The following NMT1 variants were observed in gnomAD, a reference collection of about 807,000 sequenced individuals.
NMT1 encodes the protein N-myristoyltransferase 1.
A neutral mutation model predicts 63.4 loss-of-function variants in NMT1; 12 were observed. The ratio of observed to expected loss-of-function variants is 0.19; its 90% confidence interval spans 0.12 to 0.31. NMT1 has a LOEUF of 0.31. Among genes scored for constraint, NMT1 ranks in the 10% least tolerant of loss-of-function variants. NMT1 has a pLI of 1.00. For missense variants in NMT1, 432 were observed against 634.6 expected, an observed-to-expected ratio of 0.68 and a Z score of 3.43; for synonymous variants, 228 against 234.3, an observed-to-expected ratio of 0.97 and a Z score of 0.25.
rs577323606 is a variant in NMT1 at position 45,086,417 on chromosome 17, A to T, written c.241-91A>T. On this transcript the variant is annotated intron_variant, in intron 2 of 11. Coordinates refer to ENST00000258960, the MANE Select transcript of NMT1 (RefSeq NM_021079.5). ...TGGGATTACAGGCATGAGCCACTGC[A>T]CCCAGCTCCCCTTAACTCTTGAACT... 47 of 1,354,664 alleles carry T rather than the reference A, an allele frequency of 3.5e-5. No individual in the cohort carries two copies. In the South Asian group the frequency reaches 7.0e-4, roughly 20 times the overall value. 83.9% of individuals were successfully genotyped at this position (1,354,664 alleles called of 1,614,324 possible). A position where few individuals can be genotyped will look rare whatever the true frequency, so the allele number is the denominator to read the frequency against.
intron 1 of NMT1, among the ~76,000 whole-genome samples, chr17:45,062,274 A>G (rs1371793270): frequency 6.6e-6 from 1 of 152,214 alleles, no homozygotes; most frequent in Non-Finnish European, 1.5e-5. Context: ...TTCTTTTCCC[A>G]AATTAGTTTT....
chr17:45,079,761 G>A (rs1056756345), intron 1 of NMT1, among the ~76,000 whole-genome samples: 1 of 152,088 alleles, frequency 6.6e-6, no homozygotes, highest in Non-Finnish European at 1.5e-5. Context: ...GTGCAGTGGC[G>A]CAATCTCGGC....
At chr17:45,076,168 C>G (rs2053975879) in intron 1 of NMT1, among the ~76,000 whole-genome samples, 1 of 152,160 alleles carries the variant, frequency 6.6e-6, no homozygotes, top group African/African-American at 2.4e-5. Context: ...GTTTTGTTTT[C>G]CCTTAGTCCA....
chr17:45,093,926 A>T, intron 4 of NMT1, 123 bp downstream of exon 4: 1 of 702,576 alleles, frequency 1.4e-6, no homozygotes, highest in East Asian at 2.7e-5. Context: ...GTCTGAACAG[A>T]CTCCCGTCTG....
At chr17:45,074,637 G>A (rs2053966445) in intron 1 of NMT1, among the ~76,000 whole-genome samples, 1 of 152,132 alleles carries the variant, frequency 6.6e-6, no homozygotes, top group East Asian at 1.9e-4. Flanking sequence ...TAGAATATAA[G>A]TCTCACAATT....
intron 3 of NMT1, among the ~76,000 whole-genome samples, chr17:45,089,155 T>C (rs1010727973): frequency 6.6e-6 from 1 of 152,238 alleles, no homozygotes; most frequent in Non-Finnish European, 1.5e-5. Flanking sequence ...GTCACCCTAG[T>C]TCTGAGTTTT....
At chr17:45,102,078 TGAG>T (rs1385926781) in intron 8 of NMT1, among the ~76,000 whole-genome samples, 1 of 152,198 alleles carries the variant, frequency 6.6e-6, no homozygotes, top group African/African-American at 2.4e-5. Context: ...CCATGTAGAA[TGAG>T]GTCATTGAGC....
intron 3 of NMT1, 98 bp downstream of exon 3, chr17:45,086,750 C>A: frequency 7.7e-7 from 1 of 1,298,288 alleles, no homozygotes; most frequent in Non-Finnish European, 1.1e-6. Flanking sequence ...GTAGGGAGGG[C>A]AGTAGAGTCC....
chr17:45,098,665 C>G lies in NMT1; in HGVS notation c.884+113C>G, dbSNP rs1394629576. ...CCTTAGCATCCCACCTCTGGCGTAT[C>G]TGGTAAGGCGGGCACTTGGTGCCTG... On this transcript the variant is annotated intron_variant, in intron 7 of 11. Transcript: ENST00000258960. The G allele has an allele frequency of 2.9e-6, 3 of 1,024,842 alleles. No homozygotes were observed. The East Asian group carries it at 7.6e-5, about 26-fold the overall frequency. The allele number at this position is 1,024,842 out of a possible 1,614,324, so 63.5% of individuals were successfully genotyped here.
chr17:45,067,779 G>A (rs2053912290), intron 1 of NMT1, among the ~76,000 whole-genome samples: 1 of 152,142 alleles, frequency 6.6e-6, no homozygotes, highest in Non-Finnish European at 1.5e-5. Flanking sequence ...CCAATTAAAT[G>A]GCAATTAAAA....
intron 1 of NMT1, among the ~76,000 whole-genome samples, chr17:45,068,518 G>A (rs1159535979): frequency 2.6e-5 from 4 of 152,202 alleles, no homozygotes; most frequent in Non-Finnish European, 5.9e-5. Flanking sequence ...TCTCTTGAGA[G>A]ACAACTGAGG....
intron 4 of NMT1, among the ~76,000 whole-genome samples, chr17:45,094,539 G>T (rs1170786966): frequency 6.7e-6 from 1 of 149,428 alleles, no homozygotes; most frequent in African/African-American, 2.5e-5. Context: ...TTTTGAGATG[G>T]AGTCTCGCTC....
intron 1 of NMT1, among the ~76,000 whole-genome samples, chr17:45,062,358 T>TC (rs1266222097): frequency 6.6e-6 from 1 of 152,252 alleles, no homozygotes; most frequent in Non-Finnish European, 1.5e-5. Context: ...ACGCTGTCTC[T>TC]CCCCATCTTC....
intron 1 of NMT1, among the ~76,000 whole-genome samples, chr17:45,073,039 A>T (rs1180702030): frequency 6.6e-6 from 1 of 152,056 alleles, no homozygotes; most frequent in African/African-American, 2.4e-5. Context: ...TTAGTCTATT[A>T]TGCCTGTAAA....
At chr17:45,080,457 G>C (rs2054010142) in intron 1 of NMT1, among the ~76,000 whole-genome samples, 2 of 134,668 alleles carry the variant, frequency 1.5e-5, no homozygotes, top group Admixed American at 1.7e-4. Flanking sequence ...ACCACACCCA[G>C]CCTTTTCCTT....
intron 3 of NMT1, among the ~76,000 whole-genome samples, chr17:45,088,322 G>A (rs1026614675): frequency 2.6e-5 from 4 of 152,248 alleles, no homozygotes; most frequent in African/African-American, 7.2e-5. Context: ...CCCTGATGAG[G>A]TGTTGTGTGG....
chr17:45,093,539 C>G, intron 3 of NMT1, 146 bp from the exon 4 acceptor site: 2 of 613,656 alleles, frequency 3.3e-6, no homozygotes, highest in Non-Finnish European at 5.7e-6. Context: ...GCTGGAAAGA[C>G]GGTTTGCAGT....
Position 45,103,663 on chromosome 17 carries a change from G to A in NMT1, c.1165-46G>A. On this transcript the variant is annotated intron_variant, in intron 9 of 11. Coordinates refer to ENST00000258960, the MANE Select transcript of NMT1 (RefSeq NM_021079.5). The surrounding 1 kb of genome is among the most constrained non-coding windows in gnomAD (Gnocchi z 4.8). ...AAACATTTTGTTCCCGGGCCGCAGT[G>A]CCACTGTGCATGCTTGACATTGCCT... 1.3e-6 allele frequency: 2 copies of A among 1,563,954 alleles called. No homozygotes were observed. Among genetic ancestry groups the A allele is most frequent in the Non-Finnish European group, 1.7e-6 (2 of 1,151,632 alleles).
intron 4 of NMT1, among the ~76,000 whole-genome samples, chr17:45,094,200 A>C (rs1176595099): frequency 6.6e-6 from 1 of 152,042 alleles, no homozygotes; most frequent in Non-Finnish European, 1.5e-5. Context: ...CTTATAAAGA[A>C]TGATGAAAAT....
Sources: gnomAD v4.1 joint callset for allele counts (sites outside exome capture counted in the v4.1 genomes callset) on GRCh38, gnomAD v4.1.1 for gene constraint, Gnocchi (gnomAD v3.1) non-coding constraint, MANE v1.5 for transcripts, NCBI Gene and HGNC (gene_info 2026-07-23, HGNC 2026-07-21) for gene names.